The following MAP2K5 variants were observed in gnomAD, a reference collection of about 807,000 sequenced individuals.
MAP2K5 encodes the protein mitogen-activated protein kinase kinase 5.
In MAP2K5, 49 loss-of-function variants were observed where a neutral mutation model predicts 83.1. The ratio of observed to expected loss-of-function variants is 0.59; its 90% CI spans 0.47 to 0.75. MAP2K5 has a LOEUF of 0.75. MAP2K5 is among the 30% of genes least tolerant of loss of function. The pLI is 0.00. For missense variants in MAP2K5, 457 were observed against 557.5 expected (o/e 0.82, Z 1.82); for synonymous variants, 202 against 191.8 (o/e 1.05, Z -0.44).
intron 8 of MAP2K5, among the ~76,000 whole-genome samples, chr15:67,611,404 C>T (rs1298975101): frequency 6.6e-6 from 1 of 152,146 alleles, no homozygotes; most frequent in Non-Finnish European, 1.5e-5. Context: ...CAGAGCACAA[C>T]AGCTGGGGTA....
intron 5 of MAP2K5, among the ~76,000 whole-genome samples, chr15:67,586,527 G>C (rs2085294931): frequency 6.6e-6 from 1 of 151,984 alleles, no homozygotes; most frequent in African/African-American, 2.4e-5. Context: ...TAACCCCTGG[G>C]TATATTCTTA....
At chr15:67,721,047 T>C (rs1450615834) in intron 16 of MAP2K5, among the ~76,000 whole-genome samples, 1 of 152,250 alleles carries the variant, frequency 6.6e-6, no homozygotes, top group Non-Finnish European at 1.5e-5. Context: ...TGTGAATTAC[T>C]GTTGCCCTCT....
intron 9 of MAP2K5, among the ~76,000 whole-genome samples, chr15:67,634,393 A>AT (rs2086550366): frequency 4.8e-5 from 5 of 105,214 alleles, no homozygotes; most frequent in Non-Finnish European, 1.1e-4. Context: ...AAAAAAAAAA[A>AT]AAAAAAAAAA....
intron 17 of MAP2K5, among the ~76,000 whole-genome samples, chr15:67,735,289 T>A (rs1384472089): frequency 6.6e-6 from 1 of 152,196 alleles, no homozygotes; most frequent in Non-Finnish European, 1.5e-5. Flanking sequence ...AGCTTAGAAA[T>A]GTGAAATTCT....
Position 67,628,832 on chromosome 15 carries a change from T to C in MAP2K5, c.546-2056T>C, listed in dbSNP as rs532518390. On this transcript the variant is annotated intron_variant, in intron 8 of 21. Transcript: ENST00000178640. ...TGACAATTTTGGTCATGGACGAAAC[T>C]TCAGTGGTCATGGTGGCTTTGATGG... 15 of 750,354 alleles carry C rather than the reference T, an allele frequency of 2.0e-5. No individual in the cohort carries two copies. The African/African-American group carries it at 2.4e-4, about 12-fold the overall frequency. 46.5% of individuals were successfully genotyped at this position (750,354 alleles called of 1,614,324 possible). A position where few individuals can be genotyped will look rare whatever the true frequency, so the allele number is the denominator to read the frequency against.
chr15:67,634,764 AT>A (rs1015809809), intron 9 of MAP2K5, among the ~76,000 whole-genome samples: 47 of 147,260 alleles, frequency 3.2e-4, no homozygotes, highest in East Asian at 5.9e-4. Flanking sequence ...TTAGCATGAT[AT>A]TTTTTTTTTT....
intron 19 of MAP2K5, among the ~76,000 whole-genome samples, chr15:67,761,312 G>A (rs756452981): frequency 6.6e-6 from 1 of 151,960 alleles, no homozygotes; most frequent in Non-Finnish European, 1.5e-5. Flanking sequence ...CTGGTGTAGT[G>A]TCTCCTTAAA....
chr15:67,716,685 G>T (rs752129212), intron 16 of MAP2K5, among the ~76,000 whole-genome samples: 24 of 152,188 alleles, frequency 1.6e-4, no homozygotes, highest in Non-Finnish European at 3.1e-4. Context: ...CTGGTCTCCA[G>T]GGAACTGTGC....
chr15:67,617,275 C>T (rs926654739), intron 8 of MAP2K5, among the ~76,000 whole-genome samples: 1 of 152,168 alleles, frequency 6.6e-6, no homozygotes, highest in Non-Finnish European at 1.5e-5. Context: ...TCCTACCTCA[C>T]AATCACTAGG....
At chr15:67,641,646 G>C in intron 9 of MAP2K5, 1 of 987,222 alleles carries the variant, frequency 1.0e-6, no homozygotes, top group Non-Finnish European at 1.2e-6. Context: ...GAGAGCAGTG[G>C]AAATGCACCA....
intron 13 of MAP2K5, among the ~76,000 whole-genome samples, chr15:67,667,897 T>C (rs1437693031): frequency 6.6e-6 from 1 of 152,180 alleles, no homozygotes; most frequent in Non-Finnish European, 1.5e-5. Context: ...GTCTCTCCCG[T>C]AGTTTATATC....
intron 17 of MAP2K5, among the ~76,000 whole-genome samples, chr15:67,731,688 T>G (rs1329916102): frequency 1.3e-5 from 2 of 152,180 alleles, no homozygotes; most frequent in Non-Finnish European, 2.9e-5. Flanking sequence ...GTGAGCCAAC[T>G]CAGGCTCAGA....
rs1024782701 is a variant in MAP2K5 at position 67,724,953 on chromosome 15, T to C, written c.1045-2963T>C. Among the ~76,000 whole-genome samples the C allele has an allele frequency of 2.6e-5, 4 of 152,246 alleles. No individual in the cohort carries two copies. The highest frequency in any genetic ancestry group is 5.9e-5 in the Non-Finnish European group (4 of 68,038). ...ACTAGTTAAGATCAAAGAACCATTCTCTGTCTTCTAACTCTAAAGAGGTCA... is the reference window on the plus strand; with the variant it reads ...ACTAGTTAAGATCAAAGAACCATTCCCTGTCTTCTAACTCTAAAGAGGTCA... On this transcript the variant is annotated intron_variant, in intron 16 of 21. Coordinates refer to ENST00000178640, the MANE Select transcript of MAP2K5 (RefSeq NM_145160.3). The surrounding 1 kb of genome is among the most constrained non-coding windows in gnomAD (Gnocchi z 4.4).
At chr15:67,798,477 A>T (rs2090644147) in intron 21 of MAP2K5, among the ~76,000 whole-genome samples, 2 of 152,162 alleles carry the variant, frequency 1.3e-5, no homozygotes, top group South Asian at 4.1e-4. Flanking sequence ...CCTGTGCCCC[A>T]TCCAACACCG....
chr15:67,791,521 G>A (rs1357882636), intron 21 of MAP2K5, among the ~76,000 whole-genome samples: 1 of 152,170 alleles, frequency 6.6e-6, no homozygotes, highest in Non-Finnish European at 1.5e-5. Flanking sequence ...ATGAACTAAT[G>A]TAAATGAAAG....
In MAP2K5 at chr15:67,644,141, C is replaced by T. The variant is rs532103740; in HGVS notation, c.586-2090C>T. Among the ~76,000 whole-genome samples the T allele has an allele frequency of 2.6e-5, 4 of 152,298 alleles. No individual in the cohort carries two copies. The South Asian group carries it at 8.3e-4, about 32-fold the overall frequency. ...GGGCACGGTGGCTCACGCCTGTAAT[C>T]CCAGCACTTTGGGAGGCTGAGGCAG... On this transcript the variant is annotated intron_variant, in intron 9 of 21. Transcript: ENST00000178640. This position sits in a 1 kb window ranked among gnomAD's most constrained non-coding sequence, Gnocchi z 4.6.
At chr15:67,626,322 A>T (rs1419445319) in intron 8 of MAP2K5, among the ~76,000 whole-genome samples, 1 of 152,182 alleles carries the variant, frequency 6.6e-6, no homozygotes, top group Non-Finnish European at 1.5e-5. Context: ...CAGAAGTTTG[A>T]GACCAGCCTG....
chr15:67,773,794 TA>T (rs1163838516), intron 21 of MAP2K5, among the ~76,000 whole-genome samples: 35 of 152,312 alleles, frequency 2.3e-4, no homozygotes, highest in African/African-American at 7.5e-4. Flanking sequence ...ATGTCTAGAA[TA>T]AACTGGTCTC....
intron 17 of MAP2K5, among the ~76,000 whole-genome samples, chr15:67,742,274 A>G (rs967645843): frequency 6.6e-6 from 1 of 152,252 alleles, no homozygotes; most frequent in Non-Finnish European, 1.5e-5. Context: ...GCAAAGACAG[A>G]ATACCTATAT....
Sources: gnomAD v4.1 joint callset for allele counts (sites outside exome capture counted in the v4.1 genomes callset) on GRCh38, gnomAD v4.1.1 for gene constraint, Gnocchi (gnomAD v3.1) non-coding constraint, MANE v1.5 for transcripts, NCBI Gene and HGNC (gene_info 2026-07-23, HGNC 2026-07-21) for gene names.